The following ZNF536 variants were observed in gnomAD, a reference collection of about 807,000 sequenced individuals.
The protein encoded by ZNF536 is zinc finger protein 536.
ZNF536 carries 13 observed loss-of-function variants against 84.5 expected under a neutral mutation model. The observed-to-expected ratio is 0.15, with a 90% confidence interval of 0.10 to 0.24. The LOEUF is 0.24. ZNF536 is among the 10% of genes least tolerant of loss of function. The probability of loss-of-function intolerance (pLI) is 1.00; values close to 1 mark genes in which losing one functional copy is unlikely to be tolerated. For synonymous variants in ZNF536, 811 were observed against 742.5 expected, an observed-to-expected ratio of 1.09 and a Z score of -1.50; for missense variants, 1,536 against 1,747.5, an observed-to-expected ratio of 0.88 and a Z score of 2.16.
chr19:30,693,409 T>C (rs753579781), intron 1 of ZNF536, among the ~76,000 whole-genome samples: 7 of 152,242 alleles, frequency 4.6e-5, no homozygotes, highest in Non-Finnish European at 8.8e-5. Context: ...GTGGATTAGA[T>C]GGAAACTTTC....
At chr19:30,240,091 G>A (rs1473645331) in intron 1 of ZNF536, among the ~76,000 whole-genome samples, 2 of 152,154 alleles carry the variant, frequency 1.3e-5, no homozygotes, top group Non-Finnish European at 2.9e-5. Flanking sequence ...CTGAGGGGCC[G>A]GGCATGGTGG....
chr19:30,490,391 G>A (rs539560827), intron 2 of ZNF536, among the ~76,000 whole-genome samples: 17 of 152,196 alleles, frequency 1.1e-4, no homozygotes, highest in African/African-American at 3.9e-4. Flanking sequence ...TCTCCAGGAG[G>A]GGGTTGTGTA....
chr19:30,523,061 G>A (rs1292422354), intron 2 of ZNF536, among the ~76,000 whole-genome samples: 2 of 152,124 alleles, frequency 1.3e-5, no homozygotes, highest in East Asian at 3.9e-4. Context: ...TGCCCCAACT[G>A]GACTTTTCAG....
intron 1 of ZNF536, among the ~76,000 whole-genome samples, chr19:30,643,662 G>T (rs1293853840): frequency 6.6e-6 from 1 of 152,088 alleles, no homozygotes; most frequent in African/African-American, 2.4e-5. Flanking sequence ...TTCTGCAGGG[G>T]GGGGTTTTGG....
chr19:30,463,287 C>A (rs1482705981), intron 2 of ZNF536, among the ~76,000 whole-genome samples: 1 of 152,114 alleles, frequency 6.6e-6, no homozygotes, highest in African/African-American at 2.4e-5. Flanking sequence ...TTTTCCAAAA[C>A]CTTCGCTCAT....
chr19:30,635,903 G>A (rs1352625426), intron 1 of ZNF536, among the ~76,000 whole-genome samples: 12 of 152,336 alleles, frequency 7.9e-5, no homozygotes, highest in Admixed American at 2.0e-4. Context: ...GCCATGTGGC[G>A]CTTTCTGAGC....
intron 2 of ZNF536, among the ~76,000 whole-genome samples, chr19:30,459,251 A>G (rs1228138776): frequency 1.5e-5 from 2 of 130,706 alleles, no homozygotes; most frequent in Non-Finnish European, 3.4e-5. Flanking sequence ...TTTTTTTTTT[A>G]CCCCATTGAA....
intron 2 of ZNF536, among the ~76,000 whole-genome samples, chr19:30,447,712 C>T (rs2052418276): frequency 6.6e-6 from 1 of 152,136 alleles, no homozygotes; most frequent in Non-Finnish European, 1.5e-5. Context: ...TTTCTGGCCT[C>T]CTAGGATGAG....
At chr19:30,311,167 C>G (rs1257357447) in intron 2 of ZNF536, among the ~76,000 whole-genome samples, 1 of 152,118 alleles carries the variant, frequency 6.6e-6, no homozygotes, top group African/African-American at 2.4e-5. Flanking sequence ...CTCTGTGCTT[C>G]CTGGGGCTGT....
intron 1 of ZNF536, among the ~76,000 whole-genome samples, chr19:30,264,930 C>CGTGT (rs71333450): frequency 1.4e-3 from 192 of 135,688 alleles, no homozygotes; most frequent in Middle Eastern, 3.8e-3. Context: ...TGTCAATAGT[C>CGTGT]GTGTGTGTGT....
In ZNF536 at chr19:30,617,333, C is replaced by CTTTTTTTTTTTTTTTTTTTTTT. The variant is rs556835599; in HGVS notation, c.169+67831_169+67852dup. Among the ~76,000 whole-genome samples, 12 of 37,712 alleles carry CTTTTTTTTTTTTTTTTTTTTTT rather than the reference C, an allele frequency of 3.2e-4. 3 individuals carry two copies. Among genetic ancestry groups the CTTTTTTTTTTTTTTTTTTTTTT allele is most frequent in the Non-Finnish European group, 6.5e-4 (11 of 16,966 alleles). The allele number at this position is 37,712 out of a possible 152,430, so 24.7% of individuals were successfully genotyped here. On this transcript the variant is annotated intron_variant, in intron 1 of 1. Transcript: ENST00000592773. ...GAGTCCACCATATCTGAATAGCTTA[C>CTTTTTTTTTTTTTTTTTTTTTT]TTTTTTTTTTTTTTTTTTTTTTTTT... is the stretch of plus-strand genomic sequence containing the variant.
chr19:30,647,888 A>G (rs989381489), intron 1 of ZNF536, among the ~76,000 whole-genome samples: 2 of 152,178 alleles, frequency 1.3e-5, no homozygotes, highest in African/African-American at 4.8e-5. Flanking sequence ...AACCGGTACA[A>G]GAGGGACCTG....
At chr19:30,587,895 G>T (rs1303398434) in intron 1 of ZNF536, among the ~76,000 whole-genome samples, 3 of 152,270 alleles carry the variant, frequency 2.0e-5, no homozygotes, top group African/African-American at 7.2e-5. Context: ...AGAAGGTTAA[G>T]TTGAAGTTGC....
At chr19:30,678,337 G>A (rs932078859) in intron 1 of ZNF536, among the ~76,000 whole-genome samples, 28 of 152,144 alleles carry the variant, frequency 1.8e-4, no homozygotes, top group Non-Finnish European at 4.1e-4. Flanking sequence ...GAGGCTCACG[G>A]CCTTTCTGGT....
intron 1 of ZNF536, among the ~76,000 whole-genome samples, chr19:30,410,269 T>A (rs2050423408): frequency 1.3e-5 from 2 of 152,064 alleles, no homozygotes; most frequent in South Asian, 4.1e-4. Flanking sequence ...TTGATGTATA[T>A]CCTTAGGGTA....
chr19:30,684,651 G>T (rs1476514757), intron 1 of ZNF536, among the ~76,000 whole-genome samples: 1 of 152,190 alleles, frequency 6.6e-6, no homozygotes, highest in African/African-American at 2.4e-5. Context: ...GCTTTGGTTT[G>T]CTTTCCTGCT....
chr19:30,652,231 A>C (rs1051231896), intron 1 of ZNF536, among the ~76,000 whole-genome samples: 10 of 152,250 alleles, frequency 6.6e-5, no homozygotes, highest in Admixed American at 5.9e-4. Flanking sequence ...ACACATGAGT[A>C]AATACAGGGA....
At chr19:30,521,135 G>T (rs1683787000) in intron 2 of ZNF536, among the ~76,000 whole-genome samples, 1 of 152,262 alleles carries the variant, frequency 6.6e-6, no homozygotes, top group Non-Finnish European at 1.5e-5. Context: ...CACAGAGCCA[G>T]TGCTAGCAGA....
At chr19:30,620,574 C>T (rs1193206995) in intron 1 of ZNF536, among the ~76,000 whole-genome samples, 1 of 152,098 alleles carries the variant, frequency 6.6e-6, no homozygotes, top group South Asian at 2.1e-4. Flanking sequence ...CTGAGACGGC[C>T]TCTCTCCTGG....
Sources: allele counts gnomAD v4.1 joint callset (sites outside exome capture counted in the v4.1 genomes callset), GRCh38; gene constraint gnomAD v4.1.1; transcripts MANE v1.5; gene names NCBI Gene and HGNC (gene_info 2026-07-23, HGNC 2026-07-21).